The following PCID2 variants were observed in gnomAD, a reference collection of about 807,000 sequenced individuals.
The protein encoded by PCID2 is PCI domain containing 2.
PCID2 carries 41 observed loss-of-function variants against 61.3 expected under a neutral mutation model. The observed-to-expected ratio is 0.67, with a 90% CI of 0.52 to 0.87. The LOEUF is 0.87. Among genes scored for constraint, PCID2 ranks in the 40% least tolerant of loss-of-function variants. The pLI is 0.00. For missense variants in PCID2, 392 were observed against 493.4 expected, an observed-to-expected ratio of 0.79 and a Z score of 1.95; for synonymous variants, 187 against 177.8, an observed-to-expected ratio of 1.05 and a Z score of -0.41.
chr13:113,208,051 C>G, intron 1 of PCID2: 1 of 1,612,848 alleles, frequency 6.2e-7, no homozygotes, highest in Non-Finnish European at 8.5e-7. Flanking sequence ...CTGTCAGACG[C>G]ATGTACCGAG....
chr13:113,208,208 T>C, intron 1 of PCID2: 1 of 1,541,328 alleles, frequency 6.5e-7, no homozygotes, highest in Non-Finnish European at 8.7e-7. Flanking sequence ...TCCCGCATCC[T>C]GCTGGGAAAC....
chr13:113,188,902 C>T (rs553381341), intron 7 of PCID2, among the ~76,000 whole-genome samples: 2 of 152,258 alleles, frequency 1.3e-5, no homozygotes, highest in South Asian at 4.1e-4. Context: ...TTATTGGCAA[C>T]AAACACAATG....
rs2037603759 is a variant in PCID2, at chr13:113,181,193, G to A, written c.723C>T (p.His241=). ...TCCTTTTGTTCTTCTGACTAGAACG[G>A]TGACAATGCTCAAAGGCAAATGACA... The part of the protein sequence containing the change: ...EYLSFAFEHC[H]RSSQKNKRMI... The change falls in exon 10 of 14, where the codon CAC becomes CAT. Residue 241 remains histidine, a synonymous_variant. Transcript: ENST00000337344. 1.9e-6 allele frequency: 3 copies of A among 1,613,854 alleles called. No homozygotes were observed. The highest frequency in any genetic ancestry group is 2.5e-6 in the Non-Finnish European group (3 of 1,179,798).
rs749577115 is a variant in PCID2, at chr13:113,208,032, G to C, written c.36+567C>G. On this transcript the variant is annotated intron_variant, in intron 1 of 13. Transcript: ENST00000337344. ...GTGCTTCTGCTACTTACAAGCTGTT[G>C]AACAACATCTGTCAGACGCATGTAC... 254 of 1,612,448 alleles carry C rather than the reference G, an allele frequency of 1.6e-4. 1 individual carries two copies. The highest frequency in any genetic ancestry group is 2.1e-4 in the Non-Finnish European group (245 of 1,179,610).
intron 9 of PCID2, among the ~76,000 whole-genome samples, chr13:113,183,197 A>C (rs1334948391): frequency 2.0e-5 from 3 of 152,166 alleles, no homozygotes; most frequent in Non-Finnish European, 4.4e-5. Context: ...ATGGCTTCCT[A>C]TTTCTTTTAT....
At position 113,179,175 on chromosome 13, in the gene PCID2, G is replaced by T. The variant is rs2037391015; in HGVS notation, c.987-86C>A. ...AGAAAAGGCACCTCTTAATAAGCCGGTGTTCTAAAGGAGTAAAAAAATTCC... is the reference window on the plus strand; with the variant it reads ...AGAAAAGGCACCTCTTAATAAGCCGTTGTTCTAAAGGAGTAAAAAAATTCC... On this transcript the variant is annotated intron_variant, in intron 12 of 13. Coordinates refer to ENST00000337344, the MANE Select transcript of PCID2 (RefSeq NM_001127202.4). The surrounding 1 kb of genome is among the most constrained non-coding windows in gnomAD (Gnocchi z 4.3). 3 of 1,265,358 alleles carry T rather than the reference G, an allele frequency of 2.4e-6. No individual in the cohort carries two copies. Among genetic ancestry groups the T allele is most frequent in the Non-Finnish European group, 3.3e-6 (3 of 909,778 alleles). 78.4% of individuals were successfully genotyped at this position (1,265,358 alleles called of 1,614,324 possible).
At chr13:113,203,429 G>T (rs1430301096) in intron 1 of PCID2, among the ~76,000 whole-genome samples, 1 of 152,180 alleles carries the variant, frequency 6.6e-6, no homozygotes, top group Non-Finnish European at 1.5e-5. Flanking sequence ...CTGGCCACAG[G>T]TTTAGGGATT....
chr13:113,201,811 G>A (rs1488389702), intron 1 of PCID2, among the ~76,000 whole-genome samples: 3 of 104,918 alleles, frequency 2.9e-5, no homozygotes, highest in South Asian at 2.9e-4. Flanking sequence ...GCAAGACTCC[G>A]TCTCAAAAAA....
rs1321184900 is a variant in PCID2, at chr13:113,179,079, G to A, written c.997C>T (p.Leu333=). 2 of 1,613,534 alleles carry A rather than the reference G, an allele frequency of 1.2e-6. No homozygotes were observed. Among genetic ancestry groups the A allele is most frequent in the Non-Finnish European group, 1.7e-6 (2 of 1,179,736 alleles). Residue 333 remains leucine, a synonymous_variant, in exon 13 of 14, where the codon CTG becomes TTG. Coordinates refer to ENST00000337344, the MANE Select transcript of PCID2 (RefSeq NM_001127202.4). This position sits in a 1 kb window ranked among gnomAD's most constrained non-coding sequence, Gnocchi z 4.3. ...RNLFKKVYLL[L]KTHQLSLDAF... ...TCCAGAGACAGCTGGTGTGTTTTCA[G>A]TAACAAATACCTGGAAGAGGGGAGG...
intron 1 of PCID2, among the ~76,000 whole-genome samples, chr13:113,206,258 C>A (rs74556272): frequency 0.018 from 2,805 of 152,314 alleles, 79 homozygotes; most frequent in African/African-American, 0.063. Context: ...AGTTAGATAA[C>A]TTGTCATGGT....
intron 11 of PCID2, 54 bp from the exon 12 acceptor site, chr13:113,180,096 A>G (rs893001587): frequency 1.2e-6 from 2 of 1,613,654 alleles, no homozygotes; most frequent in African/African-American, 2.7e-5. Flanking sequence ...CAGAGCGTGC[A>G]CGTCAACTCT....
chr13:113,200,696 CTTTTTTTTTTTTTT>C (rs998821979), intron 1 of PCID2, 180 bp from the exon 2 acceptor site: 1 of 211,190 alleles, frequency 4.7e-6, no homozygotes, highest in Non-Finnish European at 9.1e-6. Flanking sequence ...ACAATAATTT[CTTTTTTTTTTTTTT>C]TTTTTTTGAG....
chr13:113,173,563 T>C (rs1194191319), downstream of PCID2, among the ~76,000 whole-genome samples: 1 of 152,240 alleles, frequency 6.6e-6, no homozygotes, highest in East Asian at 1.9e-4. Flanking sequence ...TAAGCCTTAC[T>C]GTTCTTCAGC....
chr13:113,181,282 C>A (rs755149599), intron 9 of PCID2, 52 bp from the exon 10 acceptor site: 2 of 1,087,838 alleles, frequency 1.8e-6, no homozygotes, highest in African/African-American at 1.5e-5. Context: ...CTGCTTCAGG[C>A]CCCTTCCTGC....
chr13:113,197,128 C>A, intron 4 of PCID2, 50 bp downstream of exon 4: 2 of 1,614,082 alleles, frequency 1.2e-6, no homozygotes, highest in South Asian at 1.1e-5. Flanking sequence ...CCCAAGTAAT[C>A]CACTGCATGT....
intron 3 of PCID2, among the ~76,000 whole-genome samples, chr13:113,197,592 C>T (rs747620020): frequency 5.9e-5 from 9 of 152,226 alleles, no homozygotes; most frequent in Non-Finnish European, 1.2e-4. Context: ...AATCTGGAAC[C>T]TATCGCACAC....
chr13:113,169,523 T>A, the PCID2 span, among the ~76,000 whole-genome samples: 536 of 152,370 alleles, frequency 3.5e-3, 16 homozygotes, highest in Non-Finnish European at 9.1e-4. Flanking sequence ...GAATATTTTG[T>A]GCTCTATACA....
At chr13:113,204,466 G>A (rs956596538) in intron 1 of PCID2, among the ~76,000 whole-genome samples, 1 of 152,196 alleles carries the variant, frequency 6.6e-6, no homozygotes, top group Non-Finnish European at 1.5e-5. Context: ...GACCCCTGCT[G>A]GGGGCACTCA....
At chr13:113,183,315 T>C (rs983697917) in intron 9 of PCID2, among the ~76,000 whole-genome samples, 5 of 152,210 alleles carry the variant, frequency 3.3e-5, no homozygotes, top group African/African-American at 1.2e-4. Flanking sequence ...TTTCTGGCTA[T>C]GTTAGGTATT....
Sources: gnomAD v4.1 joint callset for allele counts (sites outside exome capture counted in the v4.1 genomes callset) on GRCh38, gnomAD v4.1.1 for gene constraint, Gnocchi (gnomAD v3.1) non-coding constraint, MANE v1.5 for transcripts, NCBI Gene and HGNC (gene_info 2026-07-23, HGNC 2026-07-21) for gene names.